AZGP1: variants seen among roughly 807,000 people sequenced by gnomAD.
AZGP1 encodes zinc-alpha-2-glycoprotein.
A neutral mutation model predicts 31.5 loss-of-function variants in AZGP1; 28 were observed. The observed-to-expected ratio is 0.89, with a 90% CI of 0.66 to 1.22. The LOEUF (loss-of-function observed/expected upper bound fraction) is 1.22, where lower values mean the gene tolerates loss of function less well. AZGP1 is among the 50% of genes most tolerant of loss of function. The probability of loss-of-function intolerance (pLI) is 0.00; values close to 1 mark genes in which losing one functional copy is unlikely to be tolerated. For missense variants in AZGP1, 361 were observed against 371.8 expected (o/e 0.97, Z 0.24); for synonymous variants, 135 against 145.4 (o/e 0.93, Z 0.51).
Position 99,967,003 on chromosome 7 carries a change from C to T in AZGP1, c.897G>A (p.Ter299=), listed in dbSNP as rs1162135617. ...QPLVVPWEAS[*] ...CCACATTGCCTCCAACCCTTGCTTC[C>T]TAGCTGGCCTCCCAGGGCACCACGA... The change falls in exon 4 of 4, where the codon TAG becomes TAA. Residue 299 remains the stop codon, a stop_retained_variant. Transcript: ENST00000292401. 1.9e-6 allele frequency: 3 copies of T among 1,612,358 alleles called. No homozygotes were observed. The East Asian group carries it at 6.7e-5, about 36-fold the overall frequency.
chr7:99,975,141 T>C (rs1212428796), intron 1 of AZGP1, among the ~76,000 whole-genome samples: 1 of 152,224 alleles, frequency 6.6e-6, no homozygotes, highest in South Asian at 2.1e-4. Flanking sequence ...AGTGTATGTA[T>C]GTATGTGTAC....
At chr7:99,971,551 G>A (rs1252168221) in intron 2 of AZGP1, 195 bp downstream of exon 2, 2 of 653,770 alleles carry the variant, frequency 3.1e-6, no homozygotes, top group Non-Finnish European at 5.1e-6. Flanking sequence ...ATGAGGATGG[G>A]GCAATTGATG....
intron 2 of AZGP1, among the ~76,000 whole-genome samples, chr7:99,969,740 A>G (rs920307956): frequency 1.3e-5 from 2 of 152,256 alleles, no homozygotes; most frequent in South Asian, 2.1e-4. Flanking sequence ...TTGTGATTTC[A>G]TATGAGTAAA....
intron 3 of AZGP1, 67 bp from the exon 4 acceptor site, chr7:99,967,353 AC>A (rs963955957): frequency 5.9e-6 from 9 of 1,520,988 alleles, no homozygotes; most frequent in Admixed American, 1.9e-5. Context: ...GTCTCTTCCT[AC>A]CCCCACCCCT....
At chr7:99,972,076 G>A (rs957517187) in intron 1 of AZGP1, 70 bp from the exon 2 acceptor site, 1 of 1,499,910 alleles carries the variant, frequency 6.7e-7, no homozygotes, top group Admixed American at 2.2e-5. Flanking sequence ...ATAGGGCTAG[G>A]AGGGGAGACC....
In AZGP1 at chr7:99,970,477, A is replaced by C. The variant is rs566941725; in HGVS notation, c.337+1269T>G. ...GGGCTGGTCTCGAACTCCTGACCTT[A>C]GGTGATCTGCCTGCCTCAGCCTCCC... On this transcript the variant is annotated intron_variant, in intron 2 of 3. Transcript: ENST00000292401. 1.4e-4 allele frequency among the ~76,000 whole-genome samples: 22 copies of C among 152,160 alleles called. 1 individual carries two copies. In the East Asian group the frequency reaches 3.9e-3, roughly 27 times the overall value.
chr7:99,967,466 C>G (rs568926925), intron 3 of AZGP1, 180 bp from the exon 4 acceptor site: 1 of 656,404 alleles, frequency 1.5e-6, no homozygotes, highest in Non-Finnish European at 2.6e-6. Context: ...TCCCTCTTGC[C>G]CAATCCCCAC....
intron 1 of AZGP1, among the ~76,000 whole-genome samples, chr7:99,975,648 C>A (rs556943254): frequency 3.9e-5 from 6 of 152,302 alleles, no homozygotes; most frequent in Non-Finnish European, 8.8e-5. Context: ...GCATATGGTT[C>A]CTACTCCGTC....
rs1789523317 is a variant in AZGP1 at position 99,968,306 on chromosome 7, C to A, written c.462G>T (p.Trp154Cys). 1.2e-6 allele frequency: 2 copies of A among 1,613,546 alleles called. No homozygotes were observed. The highest frequency in any genetic ancestry group is 1.7e-6 in the Non-Finnish European group (2 of 1,179,954). Residue 154 changes from tryptophan (W) to cysteine (C), a missense_variant, in exon 3 of 4, where the codon TGG becomes TGT. By Grantham distance (215) the Trp-to-Cys change is radical. Transcript: ENST00000292401. ...YIEFNKEIPA[W>C]VPFDPAAQIT... is the part of the protein sequence containing the mutation. ...TCTGGGCTGCTGGGTCGAAGGGGAC[C>A]CAGGCTGGGATTTCTTTGTTGAATT...
Position 99,971,673 on chromosome 7 carries a change from C to T in AZGP1, c.337+73G>A. ...TTGGGACTATTTCCATCCTGCTGAT[C>T]CCTTGCCACTCACACTGGGGGGGCT... On this transcript the variant is annotated intron_variant, in intron 2 of 3. Coordinates refer to ENST00000292401, the MANE Select transcript of AZGP1 (RefSeq NM_001185.4). 3 of 1,521,560 alleles carry T rather than the reference C, an allele frequency of 2.0e-6. No homozygotes were observed. In the South Asian group the frequency reaches 3.7e-5, roughly 19 times the overall value. The allele number at this position is 1,521,560 out of a possible 1,614,324, so 94.3% of individuals were successfully genotyped here. A position where few individuals can be genotyped will look rare whatever the true frequency, so the allele number is the denominator to read the frequency against.
intron 1 of AZGP1, among the ~76,000 whole-genome samples, chr7:99,974,384 A>G (rs1427943253): frequency 6.6e-6 from 1 of 151,984 alleles, no homozygotes; most frequent in Non-Finnish European, 1.5e-5. Flanking sequence ...TCAGGATATC[A>G]AGACTAGCCT....
At chr7:99,975,295 GT>G (rs2115693118) in intron 1 of AZGP1, among the ~76,000 whole-genome samples, 1 of 152,214 alleles carries the variant, frequency 6.6e-6, no homozygotes, top group South Asian at 2.1e-4. Flanking sequence ...CTGACAATTT[GT>G]AAATGTCATG....
chr7:99,968,508 T>C lies in AZGP1; in HGVS notation c.338-78A>G. 2.6e-6 allele frequency: 4 copies of C among 1,547,750 alleles called. No homozygotes were observed. In the South Asian group the frequency reaches 3.6e-5, roughly 14 times the overall value. ...TCAAAATAACTCTTAGTCTTGCACA[T>C]TGGGCAACCCAAAAGAAATAAAGGT... On this transcript the variant is annotated intron_variant, in intron 2 of 3. Transcript: ENST00000292401.
Position 99,967,374 on chromosome 7 carries a change from C to T in AZGP1, c.614-88G>A, listed in dbSNP as rs965897883. On this transcript the variant is annotated intron_variant, in intron 3 of 3. Transcript: ENST00000292401. ...TCCTACCCCCACCCCTGGATGTCAGCGATCAGCAGAGCTCGAAGCTCTGTA... is the reference window on the plus strand; with the variant it reads ...TCCTACCCCCACCCCTGGATGTCAGTGATCAGCAGAGCTCGAAGCTCTGTA... 17 of 1,436,116 alleles carry T rather than the reference C, an allele frequency of 1.2e-5. 1 individual carries two copies. Among genetic ancestry groups the T allele is most frequent in the Admixed American group, 2.1e-5 (1 of 47,160 alleles). 89.0% of individuals were successfully genotyped at this position (1,436,116 alleles called of 1,614,324 possible). A position where few individuals can be genotyped will look rare whatever the true frequency, so the allele number is the denominator to read the frequency against.
chr7:99,974,048 G>C (rs778554196), intron 1 of AZGP1, among the ~76,000 whole-genome samples: 28 of 151,628 alleles, frequency 1.8e-4, no homozygotes, highest in Non-Finnish European at 2.9e-4. Context: ...TGAAGTGAGT[G>C]GATCACTTGA....
chr7:99,971,670 G>A, intron 2 of AZGP1, 76 bp downstream of exon 2: 2 of 1,512,792 alleles, frequency 1.3e-6, no homozygotes, highest in Non-Finnish European at 1.8e-6. Context: ...CCATCCTGCT[G>A]ATCCCTTGCC....
intron 2 of AZGP1, among the ~76,000 whole-genome samples, chr7:99,968,961 T>TTAAAAA (rs1562797511): frequency 7.2e-4 from 1 of 1,388 alleles, no homozygotes; most frequent in Non-Finnish European, 1.3e-3. Flanking sequence ...AGACCCTATC[T>TTAAAAA]CAAAAAAAAA....
intron 1 of AZGP1, among the ~76,000 whole-genome samples, chr7:99,974,090 T>G (rs1685236920): frequency 6.6e-6 from 1 of 151,800 alleles, no homozygotes; most frequent in African/African-American, 2.4e-5. Flanking sequence ...CTAGCCAACA[T>G]GGTGAAACCC....
At chr7:99,971,191 C>A (rs1789570861) in intron 2 of AZGP1, among the ~76,000 whole-genome samples, 2 of 152,220 alleles carry the variant, frequency 1.3e-5, no homozygotes, top group Admixed American at 6.5e-5. Context: ...GATGGAGCTG[C>A]AAGGGAGATC....
Sources: gnomAD v4.1 joint callset for allele counts (sites outside exome capture counted in the v4.1 genomes callset) on GRCh38, gnomAD v4.1.1 for gene constraint, MANE v1.5 for transcripts, NCBI Gene and HGNC (gene_info 2026-07-23, HGNC 2026-07-21) for gene names.